COL25A1: variants seen among roughly 807,000 people sequenced by gnomAD.
COL25A1 encodes collagen alpha-1(XXV) chain.
Under a neutral mutation model 128.4 loss-of-function variants are expected in COL25A1, and 103 were observed. The observed-to-expected ratio is 0.80, with a 90% CI of 0.68 to 0.94. The LOEUF is 0.94. Among genes scored for constraint, COL25A1 ranks in the 40% least tolerant of loss-of-function variants. COL25A1 has a pLI of 0.00. For synonymous variants in COL25A1, 279 were observed against 277.2 expected (o/e 1.01, Z -0.06); for missense variants, 745 against 840.0 (o/e 0.89, Z 1.40).
chr4:108,981,642 C>A (rs1430193596), intron 6 of COL25A1, among the ~76,000 whole-genome samples: 1 of 152,068 alleles, frequency 6.6e-6, no homozygotes, highest in Non-Finnish European at 1.5e-5. Context: ...GGAGTCAAAC[C>A]GATGCAGATT....
intron 5 of COL25A1, among the ~76,000 whole-genome samples, chr4:109,031,102 C>A (rs1560569888): frequency 6.6e-6 from 1 of 151,968 alleles, no homozygotes; most frequent in Non-Finnish European, 1.5e-5. Flanking sequence ...TTATGCCACA[C>A]AACTTTCAAT....
intron 31 of COL25A1, among the ~76,000 whole-genome samples, chr4:108,840,074 T>G (rs1045026259): frequency 6.6e-6 from 1 of 151,624 alleles, no homozygotes; most frequent in Non-Finnish European, 1.5e-5. Context: ...AAACCTTGTC[T>G]CTACTAAAAA....
chr4:109,023,081 T>C lies in COL25A1; in HGVS notation c.421-12706A>G, dbSNP rs192568056. Among the ~76,000 whole-genome samples the C allele has an allele frequency of 2.0e-3, 302 of 152,270 alleles. 1 individual carries two copies. Among genetic ancestry groups the C allele is most frequent in the African/African-American group, 6.7e-3 (279 of 41,554 alleles). ...TGTTTTATTCCACAGCAAGAAAATA[T>C]TGTGGGCAAAAACAACATTCCATTC... On this transcript the variant is annotated intron_variant, in intron 5 of 37. Coordinates refer to ENST00000399132, the MANE Select transcript of COL25A1 (RefSeq NM_198721.4).
Position 109,045,340 on chromosome 4 carries a change from T to C in COL25A1, c.420+2828A>G, listed in dbSNP as rs1451592432. On this transcript the variant is annotated intron_variant, in intron 5 of 37. Coordinates refer to ENST00000399132, the MANE Select transcript of COL25A1 (RefSeq NM_198721.4). ...TCTCACCCCCACATTGTTCAAGGGT[T>C]AACTGTACATAAAATTAAGGTGATG... Among the ~76,000 whole-genome samples, 3 of 152,200 alleles carry C rather than the reference T, an allele frequency of 2.0e-5. No homozygotes were observed. The East Asian group carries it at 5.8e-4, about 29-fold the overall frequency.
chr4:109,231,394 C>T (rs1040832815), intron 3 of COL25A1, among the ~76,000 whole-genome samples: 2 of 152,134 alleles, frequency 1.3e-5, no homozygotes, highest in Non-Finnish European at 2.9e-5. Context: ...AGTTCAACTT[C>T]CTCATTTTAC....
At chr4:108,833,410 T>G (rs1560717353) in intron 31 of COL25A1, among the ~76,000 whole-genome samples, 1 of 152,316 alleles carries the variant, frequency 6.6e-6, no homozygotes, top group Admixed American at 6.5e-5. Context: ...AGAGGTGATA[T>G]TTGAATGAAT....
At chr4:109,152,816 T>C (rs902349420) in intron 3 of COL25A1, among the ~76,000 whole-genome samples, 3 of 152,062 alleles carry the variant, frequency 2.0e-5, no homozygotes, top group African/African-American at 7.2e-5. Context: ...CCTACAGTAG[T>C]AAAATTCATA....
chr4:108,837,540 C>T (rs892405951), intron 31 of COL25A1, among the ~76,000 whole-genome samples: 52 of 152,072 alleles, frequency 3.4e-4, no homozygotes, highest in Non-Finnish European at 6.2e-4. Flanking sequence ...TTCTTTTATA[C>T]GACTCACTAT....
At chr4:108,887,051 C>A (rs1740918498) in intron 18 of COL25A1, among the ~76,000 whole-genome samples, 1 of 152,106 alleles carries the variant, frequency 6.6e-6, no homozygotes, top group Admixed American at 6.6e-5. Flanking sequence ...AATCTACACA[C>A]TCACTCTACA....
In COL25A1 at chr4:109,012,374, C is replaced by A. The variant is rs572668613; in HGVS notation, c.421-1999G>T. ...TCGGCCTTGGCGTTCGCTCTGGCTA[C>A]GCTTGAGGAGCCCTTCAGCCCGCCA... On this transcript the variant is annotated intron_variant, in intron 5 of 37. Transcript: ENST00000399132. Among the ~76,000 whole-genome samples, 6 of 151,406 alleles carry A rather than the reference C, an allele frequency of 4.0e-5. No individual in the cohort carries two copies. The South Asian group carries it at 1.0e-3, about 26-fold the overall frequency.
At chr4:108,847,078 G>C (rs1293326133) in intron 27 of COL25A1, among the ~76,000 whole-genome samples, 1 of 151,646 alleles carries the variant, frequency 6.6e-6, no homozygotes, top group Non-Finnish European at 1.5e-5. Context: ...GGTAATTTTT[G>C]TATTTTTAGT....
intron 4 of COL25A1, among the ~76,000 whole-genome samples, chr4:109,048,657 T>C (rs1027337705): frequency 3.3e-5 from 5 of 152,208 alleles, no homozygotes; most frequent in Admixed American, 6.5e-5. Flanking sequence ...TCCTCACGTT[T>C]ATGTAAGTTT....
intron 19 of COL25A1, among the ~76,000 whole-genome samples, chr4:108,875,878 C>A (rs560622951): frequency 3.0e-4 from 45 of 151,952 alleles, no homozygotes; most frequent in Admixed American, 2.2e-3. Flanking sequence ...AATACTATGC[C>A]GCCATAAAAA....
At chr4:109,053,919 G>A (rs560145593) in intron 3 of COL25A1, among the ~76,000 whole-genome samples, 4 of 152,242 alleles carry the variant, frequency 2.6e-5, no homozygotes, top group South Asian at 2.1e-4. Flanking sequence ...GATGGCTCAC[G>A]CCCTGGGTGA....
rs537830457 is a variant in COL25A1 at position 109,040,219 on chromosome 4, T to G, written c.420+7949A>C. 2.6e-5 allele frequency among the ~76,000 whole-genome samples: 4 copies of G among 152,314 alleles called. No homozygotes were observed. In the East Asian group the frequency reaches 7.7e-4, roughly 29 times the overall value. ...GAAGAAGGGGATTCTTTCCACATTA[T>G]AGTCCATGACCCAGTTAAGACCAAA... On this transcript the variant is annotated intron_variant, in intron 5 of 37. Transcript: ENST00000399132.
Position 108,845,081 on chromosome 4 carries a change from GGTCT to G in COL25A1, c.1578+104_1578+107del, listed in dbSNP as rs1206638681. The G allele has an allele frequency of 7.7e-6, 7 of 909,788 alleles. No individual in the cohort carries two copies. The African/African-American group carries it at 1.1e-4, about 15-fold the overall frequency. The allele number at this position is 909,788 out of a possible 1,614,324, so 56.4% of individuals were successfully genotyped here. A position where few individuals can be genotyped will look rare whatever the true frequency, so the allele number is the denominator to read the frequency against. On this transcript the variant is annotated intron_variant, in intron 29 of 37. Transcript: ENST00000399132. Reference sequence around the variant, plus strand: ...CAGTTTGACAAACCAAGAGGTTTGAGGTCTGTCTACTGTTGTGCAGCCATCTGGC... The same window carrying G: ...CAGTTTGACAAACCAAGAGGTTTGAGGTCTACTGTTGTGCAGCCATCTGGC...
chr4:109,204,302 T>C (rs1776814187), intron 3 of COL25A1, among the ~76,000 whole-genome samples: 1 of 152,172 alleles, frequency 6.6e-6, no homozygotes, highest in African/African-American at 2.4e-5. Context: ...CAACTTGAAA[T>C]TTGACATTTT....
At chr4:109,289,997 A>G (rs1172180566) in intron 3 of COL25A1, among the ~76,000 whole-genome samples, 2 of 152,114 alleles carry the variant, frequency 1.3e-5, no homozygotes, top group Admixed American at 6.6e-5. Context: ...AAAAGTACAG[A>G]TGTAATAACT....
At chr4:109,264,540 G>C (rs1174896435) in intron 3 of COL25A1, among the ~76,000 whole-genome samples, 3 of 152,196 alleles carry the variant, frequency 2.0e-5, no homozygotes, top group Non-Finnish European at 4.4e-5. Flanking sequence ...AGGACATGGT[G>C]AATGAAAAAT....
Sources: allele counts gnomAD v4.1 joint callset (sites outside exome capture counted in the v4.1 genomes callset), GRCh38; gene constraint gnomAD v4.1.1; transcripts MANE v1.5; gene names NCBI Gene and HGNC (gene_info 2026-07-23, HGNC 2026-07-21).